Variants in GPC6 observed in about 807,000 individuals in gnomAD.
GPC6 encodes glypican 6, also known as glypican-6.
In GPC6, 14 loss-of-function variants were observed where a neutral mutation model predicts 55.2. The observed-to-expected ratio is 0.25, with a 90% confidence interval of 0.17 to 0.40. GPC6 has a LOEUF of 0.40. GPC6 is among the 10% of genes least tolerant of loss of function. GPC6 has a pLI of 1.00. For synonymous variants in GPC6, 278 were observed against 259.6 expected (o/e 1.07, Z -0.68); for missense variants, 641 against 708.5 (o/e 0.90, Z 1.08).
chr13:94,141,969 A>G (rs969058335), intron 4 of GPC6, among the ~76,000 whole-genome samples: 3 of 152,028 alleles, frequency 2.0e-5, no homozygotes, highest in African/African-American at 7.2e-5. Context: ...GTGTGACCAC[A>G]TGGATGAAAA....
chr13:93,783,257 T>A (rs887799318), intron 2 of GPC6, among the ~76,000 whole-genome samples: 1 of 152,174 alleles, frequency 6.6e-6, no homozygotes, highest in African/African-American at 2.4e-5. Context: ...TCTTTGCTAT[T>A]GTGCATAGTG....
chr13:93,695,490 T>C (rs1206124433), intron 2 of GPC6, among the ~76,000 whole-genome samples: 1 of 152,028 alleles, frequency 6.6e-6, no homozygotes, highest in Non-Finnish European at 1.5e-5. Flanking sequence ...CTTTCAAGCA[T>C]CATATAATCC....
intron 2 of GPC6, among the ~76,000 whole-genome samples, chr13:93,713,950 A>C (rs1304266757): frequency 6.6e-6 from 1 of 151,896 alleles, no homozygotes; most frequent in Non-Finnish European, 1.5e-5. Context: ...TGGATTAAAT[A>C]TTTAAGTGTA....
At chr13:94,395,992 TA>T (rs2074258472) in intron 7 of GPC6, among the ~76,000 whole-genome samples, 1 of 152,200 alleles carries the variant, frequency 6.6e-6, no homozygotes, top group South Asian at 2.1e-4. Flanking sequence ...GAGGCGGGAC[TA>T]AAGGGGTCAG....
chr13:93,766,768 C>T (rs910474390), intron 2 of GPC6, among the ~76,000 whole-genome samples: 1 of 151,950 alleles, frequency 6.6e-6, no homozygotes, highest in Non-Finnish European at 1.5e-5. Context: ...TTGAAACAGT[C>T]CCGTAAAATA....
intron 3 of GPC6, among the ~76,000 whole-genome samples, chr13:93,844,267 T>C (rs1020753560): frequency 6.6e-6 from 1 of 152,110 alleles, no homozygotes; most frequent in Non-Finnish European, 1.5e-5. Flanking sequence ...GCCTCCTGAG[T>C]AGCTGGGACT....
chr13:94,009,816 A>G (rs1226664193), intron 3 of GPC6, among the ~76,000 whole-genome samples: 1 of 152,198 alleles, frequency 6.6e-6, no homozygotes, highest in Non-Finnish European at 1.5e-5. Context: ...AGTTTGATAT[A>G]GAAGAAAGTA....
chr13:93,577,631 G>C (rs1304126751), intron 2 of GPC6, among the ~76,000 whole-genome samples: 1 of 151,938 alleles, frequency 6.6e-6, no homozygotes, highest in Non-Finnish European at 1.5e-5. Flanking sequence ...TCAATATAAG[G>C]TCGTGTCGTT....
At chr13:93,476,312 G>T (rs1879300918) in intron 1 of GPC6, among the ~76,000 whole-genome samples, 1 of 151,990 alleles carries the variant, frequency 6.6e-6, no homozygotes, top group African/African-American at 2.4e-5. Context: ...GTGTGTGTGT[G>T]CATGCGCGCA....
chr13:94,052,260 A>G (rs1387197686), intron 4 of GPC6, among the ~76,000 whole-genome samples: 2 of 152,144 alleles, frequency 1.3e-5, no homozygotes, highest in Non-Finnish European at 2.9e-5. Flanking sequence ...TTGATCAGGG[A>G]TTTGGGTCAG....
chr13:93,678,031 A>T (rs894548001), intron 2 of GPC6, among the ~76,000 whole-genome samples: 3 of 152,166 alleles, frequency 2.0e-5, no homozygotes, highest in Non-Finnish European at 2.9e-5. Context: ...AAAATTTCCC[A>T]ATTCTCATAC....
At chr13:93,724,608 G>A (rs377551886) in intron 2 of GPC6, among the ~76,000 whole-genome samples, 1 of 151,914 alleles carries the variant, frequency 6.6e-6, no homozygotes, top group East Asian at 1.9e-4. Context: ...TTCAATTTAG[G>A]TGATCGTTTT....
At chr13:93,693,687 TTGTTGCC>T (rs554024826) in intron 2 of GPC6, among the ~76,000 whole-genome samples, 60 of 152,058 alleles carry the variant, frequency 3.9e-4, no homozygotes, top group Non-Finnish European at 7.2e-4. Flanking sequence ...GGGTTTCTCC[TTGTTGCC>T]CAGGCTGGTC....
chr13:93,303,954 C>G (rs765673285), intron 1 of GPC6, among the ~76,000 whole-genome samples: 1 of 150,668 alleles, frequency 6.6e-6, no homozygotes, highest in Non-Finnish European at 1.5e-5. Context: ...CTGCAACCTC[C>G]GCCTCCTGGG....
chr13:93,836,876 T>C (rs544440107), intron 3 of GPC6, among the ~76,000 whole-genome samples: 33 of 152,210 alleles, frequency 2.2e-4, no homozygotes, highest in African/African-American at 7.9e-4. Flanking sequence ...TACAAGAGTA[T>C]AAGAAAGTCC....
At chr13:93,419,744 G>A (rs116795977) in intron 1 of GPC6, among the ~76,000 whole-genome samples, 2,730 of 152,172 alleles carry the variant, frequency 0.018, 76 homozygotes, top group African/African-American at 0.063. Context: ...ATCCTCCTTT[G>A]ATGACAATGT....
At chr13:94,102,693 G>A (rs1266439650) in intron 4 of GPC6, among the ~76,000 whole-genome samples, 1 of 152,002 alleles carries the variant, frequency 6.6e-6, no homozygotes, top group Non-Finnish European at 1.5e-5. Context: ...ATATAAGATG[G>A]TACGATATTC....
chr13:93,623,425 G>A (rs1252054588), intron 2 of GPC6, among the ~76,000 whole-genome samples: 3 of 147,506 alleles, frequency 2.0e-5, no homozygotes, highest in African/African-American at 7.4e-5. Flanking sequence ...CTACTTCCAG[G>A]ACAATGGTTG....
intron 3 of GPC6, among the ~76,000 whole-genome samples, chr13:93,983,472 G>C (rs1370758403): frequency 4.6e-5 from 7 of 151,750 alleles, no homozygotes; most frequent in Non-Finnish European, 7.4e-5. Context: ...GTCTTACTCT[G>C]TTGGTCAAGC....
Sources: gnomAD v4.1 joint callset for allele counts (sites outside exome capture counted in the v4.1 genomes callset) on GRCh38, gnomAD v4.1.1 for gene constraint, MANE v1.5 for transcripts, NCBI Gene and HGNC (gene_info 2026-07-23, HGNC 2026-07-21) for gene names.